CYP51A1: variants seen among roughly 807,000 people sequenced by gnomAD.
CYP51A1 encodes cytochrome P450 family 51 subfamily A member 1.
A neutral mutation model predicts 53.5 loss-of-function variants in CYP51A1; 45 were observed. The ratio of observed to expected loss-of-function variants is 0.84; its 90% CI spans 0.66 to 1.08. CYP51A1 has a LOEUF of 1.08. CYP51A1 is among the 50% of genes least tolerant of loss of function. CYP51A1 has a pLI of 0.00. For synonymous variants in CYP51A1, 181 were observed against 217.7 expected, an observed-to-expected ratio of 0.83 and a Z score of 1.48; for missense variants, 462 against 621.7, an observed-to-expected ratio of 0.74 and a Z score of 2.73.
Position 92,125,780 on chromosome 7 carries a change from G to C in CYP51A1, c.770+473C>G, listed in dbSNP as rs997830169. 2.6e-5 allele frequency among the ~76,000 whole-genome samples: 4 copies of C among 152,200 alleles called. No homozygotes were observed. In the East Asian group the frequency reaches 7.7e-4, roughly 29 times the overall value. On this transcript the variant is annotated intron_variant, in intron 5 of 9. Coordinates refer to ENST00000003100, the MANE Select transcript of CYP51A1 (RefSeq NM_000786.4). ...GGAGGCTGAGGCAGGTGGATCACCTGAGGTCAGGAGTTTGAAACCAGCCTG... is the reference window on the plus strand; with the variant it reads ...GGAGGCTGAGGCAGGTGGATCACCTCAGGTCAGGAGTTTGAAACCAGCCTG...
intron 6 of CYP51A1, 107 bp from the exon 7 acceptor site, chr7:92,123,422 C>A: frequency 1.0e-6 from 1 of 996,952 alleles, no homozygotes; most frequent in South Asian, 1.7e-5. Flanking sequence ...GTATAGTGGT[C>A]TCTTATATTT....
intron 5 of CYP51A1, among the ~76,000 whole-genome samples, chr7:92,124,521 T>C (rs1485626508): frequency 6.6e-6 from 1 of 152,210 alleles, no homozygotes; most frequent in Non-Finnish European, 1.5e-5. Context: ...AGCTGGAATT[T>C]AAAACTAGGC....
chr7:92,129,200 C>T (rs1819870378), intron 2 of CYP51A1, 144 bp from the exon 3 acceptor site: 2 of 500,682 alleles, frequency 4.0e-6, no homozygotes, highest in Non-Finnish European at 6.9e-6. Context: ...TCTTGCCATA[C>T]TCCTCCTTCC....
intron 4 of CYP51A1, among the ~76,000 whole-genome samples, chr7:92,126,784 T>C (rs895699999): frequency 1.3e-5 from 2 of 152,178 alleles, no homozygotes; most frequent in African/African-American, 4.8e-5. Context: ...TCCCAAGGAA[T>C]AGTAGCCAAA....
chr7:92,127,386 T>C lies in CYP51A1; in HGVS notation c.595+119A>G, dbSNP rs1584636591. On this transcript the variant is annotated intron_variant, in intron 4 of 9. Transcript: ENST00000003100. ...AATCATTACATAACCCTCCCATAAA[T>C]CTAAGGTAGTTTTACATACACTGTA... The C allele has an allele frequency of 7.2e-5, 64 of 889,742 alleles. No individual in the cohort carries two copies. In the East Asian group the frequency reaches 1.7e-3, roughly 23 times the overall value. 55.1% of individuals were successfully genotyped at this position (889,742 alleles called of 1,614,324 possible).
At chr7:92,116,845 A>T (rs1425116438) in intron 9 of CYP51A1, among the ~76,000 whole-genome samples, 199 bp downstream of exon 9, 2 of 152,222 alleles carry the variant, frequency 1.3e-5, no homozygotes, top group African/African-American at 4.8e-5. Flanking sequence ...GCATTATATA[A>T]GGATTTATGG....
Position 92,134,309 on chromosome 7 carries a change from A to G in CYP51A1, c.56T>C (p.Val19Ala), listed in dbSNP as rs2229188. The part of the protein sequence containing the change: ...LLGLLQAGGS[V>A]LGQAMEKVTG... The stretch of plus-strand genomic sequence containing the variant: ...CACCTTCTCCATCGCCTGGCCCAGC[A>G]CCGACCCACCCGCCTGCAGCAAGCC... Residue 19 changes from valine (V) to alanine (A), a missense_variant, in exon 1 of 10, where the codon GTG becomes GCG. By Grantham distance (64) the Val-to-Ala change is moderately conservative. Coordinates refer to ENST00000003100, the MANE Select transcript of CYP51A1 (RefSeq NM_000786.4). The G allele has an allele frequency of 6.2e-7, 1 of 1,602,848 alleles. No individual in the cohort carries two copies. The highest frequency in any genetic ancestry group is 1.7e-5 in the Admixed American group (1 of 59,404).
chr7:92,113,348 G>A lies in CYP51A1; in HGVS notation c.*317C>T. 1 of 242,742 alleles carries A rather than the reference G, an allele frequency of 4.1e-6. No individual in the cohort carries two copies. The highest frequency in any genetic ancestry group is 5.8e-5 in the South Asian group (1 of 17,126). 15.0% of individuals were successfully genotyped at this position (242,742 alleles called of 1,614,324 possible). A position where few individuals can be genotyped will look rare whatever the true frequency, so the allele number is the denominator to read the frequency against. On this transcript the variant is annotated 3_prime_UTR_variant, in exon 10 of 10. Transcript: ENST00000003100. ...TGAACTTATTTGGCAAGAGCGATGA[G>A]TACTCTTAAAATTACTATCTGGAAA...
At position 92,134,424 on chromosome 7, in the gene CYP51A1, G is replaced by A; in HGVS notation, c.-60C>T. Reference sequence around the variant, plus strand: ...CACCGCTCCTCCCAATCGACGGAACGAGAGAAGCTGGCAGATGGTCGTCCA... The same window carrying A: ...CACCGCTCCTCCCAATCGACGGAACAAGAGAAGCTGGCAGATGGTCGTCCA... On this transcript the variant is annotated 5_prime_UTR_variant, in exon 1 of 10. Coordinates refer to ENST00000003100, the MANE Select transcript of CYP51A1 (RefSeq NM_000786.4). The A allele has an allele frequency of 2.0e-6, 3 of 1,471,132 alleles. No homozygotes were observed. Among genetic ancestry groups the A allele is most frequent in the African/African-American group, 1.4e-5 (1 of 70,538 alleles). The allele number at this position is 1,471,132 out of a possible 1,614,324, so 91.1% of individuals were successfully genotyped here. A position where few individuals can be genotyped will look rare whatever the true frequency, so the allele number is the denominator to read the frequency against.
At chr7:92,122,972 A>C in intron 7 of CYP51A1, 148 bp downstream of exon 7, 1 of 609,244 alleles carries the variant, frequency 1.6e-6, no homozygotes, top group South Asian at 2.6e-5. Context: ...AAGATATTTT[A>C]GGTAAGGTTA....
intron 3 of CYP51A1, among the ~76,000 whole-genome samples, chr7:92,128,094 T>G (rs1819837229): frequency 2.0e-5 from 3 of 152,224 alleles, no homozygotes; most frequent in Admixed American, 2.0e-4. Flanking sequence ...CACGTGAAGT[T>G]GTTGCATTAA....
At chr7:92,118,646 T>C (rs1450758300) in intron 7 of CYP51A1, 31 bp from the exon 8 acceptor site, 3 of 1,209,320 alleles carry the variant, frequency 2.5e-6, no homozygotes, top group Non-Finnish European at 3.7e-6. Context: ...CTGATTGTTA[T>C]AAATAACATA....
In CYP51A1 at chr7:92,117,179, G is replaced by A; in HGVS notation, c.1216C>T (p.Gln406Ter). 1 of 1,613,990 alleles carries A rather than the reference G, an allele frequency of 6.2e-7. No homozygotes were observed. The highest frequency in any genetic ancestry group is 8.5e-7 in the Non-Finnish European group (1 of 1,179,948). Residue 406 changes from glutamine (Q) to a stop codon, truncating the protein, a stop_gained, in exon 9 of 10, where the codon CAG (glutamine) becomes TAG (stop). Transcript: ENST00000003100. LOFTEE classifies it high-confidence loss of function. ...VAGYTIPPGH[Q>*]VCVSPTVNQR... Reference sequence around the variant, plus strand: ...TTGACAGTGGGAGAAACACACACCTGATGTCCTGGAGGAATGGTATACCCT... The same window carrying A: ...TTGACAGTGGGAGAAACACACACCTAATGTCCTGGAGGAATGGTATACCCT...
chr7:92,134,462 C>T lies in CYP51A1; in HGVS notation c.-98G>A, dbSNP rs570951197. 3 of 1,309,232 alleles carry T rather than the reference C, an allele frequency of 2.3e-6. No homozygotes were observed. The Admixed American group carries it at 8.3e-5, about 36-fold the overall frequency. The allele number at this position is 1,309,232 out of a possible 1,614,324, so 81.1% of individuals were successfully genotyped here. On this transcript the variant is annotated 5_prime_UTR_variant, in exon 1 of 10. Transcript: ENST00000003100. Reference sequence around the variant, plus strand: ...AGATGGTCGTCCACAGGGGGCCTTGCCCCAGGTCTCCTACTAAACCCAGCC... The same window carrying T: ...AGATGGTCGTCCACAGGGGGCCTTGTCCCAGGTCTCCTACTAAACCCAGCC...
At chr7:92,124,879 C>G (rs1465937787) in intron 5 of CYP51A1, among the ~76,000 whole-genome samples, 3 of 152,286 alleles carry the variant, frequency 2.0e-5, no homozygotes, top group Non-Finnish European at 4.4e-5. Context: ...TGCAGTGGCT[C>G]ACGCCTGTAA....
At chr7:92,129,123 A>T in intron 2 of CYP51A1, 67 bp from the exon 3 acceptor site, 2 of 969,920 alleles carry the variant, frequency 2.1e-6, no homozygotes, top group Non-Finnish European at 3.0e-6. Context: ...GTAACTTTTT[A>T]AAATCACAAA....
At chr7:92,121,772 C>T (rs1819697976) in intron 7 of CYP51A1, among the ~76,000 whole-genome samples, 1 of 152,188 alleles carries the variant, frequency 6.6e-6, no homozygotes, top group South Asian at 2.1e-4. Flanking sequence ...TAGGCAAACT[C>T]ACAGAGGCAA....
At chr7:92,129,295 G>C (rs998605545) in intron 2 of CYP51A1, among the ~76,000 whole-genome samples, 1 of 151,606 alleles carries the variant, frequency 6.6e-6, no homozygotes, top group South Asian at 2.1e-4. Flanking sequence ...AGTTTATATT[G>C]ACAATGTTTT....
chr7:92,129,972 C>G (rs1458841672), intron 2 of CYP51A1, among the ~76,000 whole-genome samples: 1 of 152,052 alleles, frequency 6.6e-6, no homozygotes, highest in African/African-American at 2.4e-5. Flanking sequence ...TACAGAGCCT[C>G]ATAAGCCATT....
Sources: allele counts gnomAD v4.1 joint callset (sites outside exome capture counted in the v4.1 genomes callset), GRCh38; gene constraint gnomAD v4.1.1; transcripts MANE v1.5; gene names NCBI Gene and HGNC (gene_info 2026-07-23, HGNC 2026-07-21).